SMYD3: variants seen among roughly 807,000 people sequenced by gnomAD.
SMYD3 encodes SET and MYND domain containing 3.
Under a neutral mutation model 57.7 loss-of-function variants are expected in SMYD3, and 36 were observed. The ratio of observed to expected loss-of-function variants is 0.62; its 90% CI spans 0.48 to 0.82. The LOEUF (loss-of-function observed/expected upper bound fraction) is 0.82, where lower values mean the gene tolerates loss of function less well. Among genes scored for constraint, SMYD3 ranks in the 40% least tolerant of loss-of-function variants. The probability of loss-of-function intolerance (pLI) is 0.00; values close to 1 mark genes in which losing one functional copy is unlikely to be tolerated. For synonymous variants in SMYD3, 211 were observed against 195.0 expected (o/e 1.08, Z -0.68); for missense variants, 515 against 538.8 (o/e 0.96, Z 0.44).
At chr1:246,224,339 G>A (rs960131977) in intron 5 of SMYD3, among the ~76,000 whole-genome samples, 1 of 152,042 alleles carries the variant, frequency 6.6e-6, no homozygotes, top group Non-Finnish European at 1.5e-5. Context: ...ACAGGAATTA[G>A]CAACTGCAAG....
intron 5 of SMYD3, among the ~76,000 whole-genome samples, chr1:246,263,617 T>C (rs1036285843): frequency 6.6e-6 from 1 of 152,248 alleles, no homozygotes; most frequent in Admixed American, 6.5e-5. Flanking sequence ...TACTTTTTCA[T>C]ACTGTCATTC....
intron 5 of SMYD3, among the ~76,000 whole-genome samples, chr1:246,280,023 G>A (rs945359101): frequency 3.9e-5 from 6 of 152,244 alleles, no homozygotes; most frequent in African/African-American, 1.4e-4. Context: ...TAGGATTTGG[G>A]AGCCTAGTCT....
intron 5 of SMYD3, among the ~76,000 whole-genome samples, chr1:246,058,008 C>A (rs1304880218): frequency 6.6e-6 from 1 of 152,134 alleles, no homozygotes; most frequent in Non-Finnish European, 1.5e-5. Flanking sequence ...TGTGAAAAGG[C>A]TGTATGATCC....
Position 245,914,709 on chromosome 1 carries a change from T to C in SMYD3, c.813+821A>G, listed in dbSNP as rs2055268485. Among the ~76,000 whole-genome samples the C allele has an allele frequency of 2.0e-5, 3 of 152,214 alleles. No homozygotes were observed. The South Asian group carries it at 6.2e-4, about 32-fold the overall frequency. ...GTAGGGGGATATGGTTCACTTTATTTTATTGTATATTCTCAAAACGCTAAA... is the reference window on the plus strand; with the variant it reads ...GTAGGGGGATATGGTTCACTTTATTCTATTGTATATTCTCAAAACGCTAAA... On this transcript the variant is annotated intron_variant, in intron 8 of 11. Coordinates refer to ENST00000490107, the MANE Select transcript of SMYD3 (RefSeq NM_001167740.2).
intron 5 of SMYD3, among the ~76,000 whole-genome samples, chr1:246,068,675 G>A (rs555112548): frequency 2.0e-5 from 3 of 152,208 alleles, no homozygotes; most frequent in African/African-American, 7.2e-5. Flanking sequence ...TCATAATAAT[G>A]AACTACAGAA....
intron 5 of SMYD3, among the ~76,000 whole-genome samples, chr1:245,966,448 C>T (rs938472058): frequency 1.3e-5 from 2 of 152,156 alleles, no homozygotes. Flanking sequence ...GGATTACAGG[C>T]GCACATCACG....
At chr1:245,886,490 A>C (rs1304213714) in intron 8 of SMYD3, among the ~76,000 whole-genome samples, 1 of 152,200 alleles carries the variant, frequency 6.6e-6, no homozygotes, top group Non-Finnish European at 1.5e-5. Context: ...ATTAATACCC[A>C]GTACAATTGG....
intron 5 of SMYD3, among the ~76,000 whole-genome samples, chr1:246,087,563 C>A (rs1276215214): frequency 6.6e-6 from 1 of 152,174 alleles, no homozygotes; most frequent in Non-Finnish European, 1.5e-5. Flanking sequence ...AAAACAAGTT[C>A]AGTTAGTTGT....
intron 10 of SMYD3, among the ~76,000 whole-genome samples, chr1:245,815,805 G>C (rs546360759): frequency 6.6e-6 from 1 of 152,354 alleles, no homozygotes; most frequent in East Asian, 1.9e-4. Flanking sequence ...TTTACAAACT[G>C]AGAAATTACG....
Position 245,831,200 on chromosome 1 carries a change from T to A in SMYD3, c.1076+27296A>T, listed in dbSNP as rs2049811825. Among the ~76,000 whole-genome samples the A allele has an allele frequency of 2.0e-5, 3 of 152,212 alleles. No homozygotes were observed. In the South Asian group the frequency reaches 6.2e-4, roughly 32 times the overall value. ...TGACAGTTCTGTATCTTACTGAGAC[T>A]AATAAATTACTGTCCTTCACAACAG... On this transcript the variant is annotated intron_variant, in intron 10 of 11. Coordinates refer to ENST00000490107, the MANE Select transcript of SMYD3 (RefSeq NM_001167740.2).
intron 5 of SMYD3, among the ~76,000 whole-genome samples, chr1:245,992,523 C>T (rs1044853415): frequency 2.0e-5 from 3 of 151,946 alleles, no homozygotes; most frequent in South Asian, 2.1e-4. Context: ...AGCCATGGAT[C>T]GGCCACTTCT....
chr1:246,317,633 G>A (rs562254542), intron 5 of SMYD3, among the ~76,000 whole-genome samples: 1 of 152,306 alleles, frequency 6.6e-6, no homozygotes, highest in African/African-American at 2.4e-5. Flanking sequence ...TGGCAGAGTT[G>A]AGTTGCCACG....
At chr1:246,326,978 A>G in intron 5 of SMYD3, 1 of 555,068 alleles carries the variant, frequency 1.8e-6, no homozygotes, top group Admixed American at 3.6e-5. Flanking sequence ...CAATGAACAT[A>G]CTCAGGCAAT....
At chr1:246,116,598 G>T (rs1203851709) in intron 5 of SMYD3, among the ~76,000 whole-genome samples, 1 of 152,130 alleles carries the variant, frequency 6.6e-6, no homozygotes, top group Non-Finnish European at 1.5e-5. Context: ...CACCTGATAG[G>T]TTTTCAGTGA....
chr1:246,425,837 C>T (rs2067210405), intron 1 of SMYD3, among the ~76,000 whole-genome samples: 1 of 152,168 alleles, frequency 6.6e-6, no homozygotes, highest in African/African-American at 2.4e-5. Flanking sequence ...CGTCCAAGAA[C>T]AAGGGATGCC....
chr1:245,926,092 C>G (rs1290971345), intron 7 of SMYD3, among the ~76,000 whole-genome samples: 1 of 152,190 alleles, frequency 6.6e-6, no homozygotes, highest in Non-Finnish European at 1.5e-5. Flanking sequence ...GAGGTGGCAG[C>G]AGGAGTGTCC....
At chr1:246,195,608 C>CGT (rs59319374) in intron 5 of SMYD3, among the ~76,000 whole-genome samples, 9,681 of 151,866 alleles carry the variant, frequency 0.064, 835 homozygotes, top group East Asian at 0.23. Flanking sequence ...TGTGCGTGCA[C>CGT]GCGCGCACAC....
chr1:246,068,368 T>C (rs2787970), intron 5 of SMYD3, among the ~76,000 whole-genome samples: 50,617 of 151,582 alleles, frequency 0.33, 10,725 homozygotes, highest in African/African-American at 0.57. Context: ...AAATATGCTA[T>C]GCTTGCTTCA....
chr1:246,088,151 C>A (rs1033097520), intron 5 of SMYD3, among the ~76,000 whole-genome samples: 6 of 152,248 alleles, frequency 3.9e-5, no homozygotes, highest in Middle Eastern at 3.4e-3. Flanking sequence ...GAGCAGGAAA[C>A]ACCCATGTGA....
Sources: gnomAD v4.1 joint callset for allele counts (sites outside exome capture counted in the v4.1 genomes callset) on GRCh38, gnomAD v4.1.1 for gene constraint, MANE v1.5 for transcripts, NCBI Gene and HGNC (gene_info 2026-07-23, HGNC 2026-07-21) for gene names.